The following CLEC4A variants were observed in gnomAD, a reference collection of about 807,000 sequenced individuals.
The protein encoded by CLEC4A is C-type (calcium dependent, carbohydrate-recognition domain) lectin, superfamily member 6.
Under a neutral mutation model 32.7 loss-of-function variants are expected in CLEC4A, and 27 were observed. The ratio of observed to expected loss-of-function variants is 0.83; its 90% CI spans 0.61 to 1.14. The LOEUF is 1.14. Among genes scored for constraint, CLEC4A ranks in the 50% most tolerant of loss-of-function variants. The pLI, the probability that CLEC4A is intolerant of heterozygous loss-of-function variation, is 0.00. For missense variants in CLEC4A, 253 were observed against 274.6 expected (o/e 0.92, Z 0.55); for synonymous variants, 89 against 93.7 (o/e 0.95, Z 0.29).
the CLEC4A span, among the ~76,000 whole-genome samples, chr12:8,107,219 T>G: frequency 6.6e-6 from 1 of 152,356 alleles, no homozygotes; most frequent in South Asian, 2.1e-4. Flanking sequence ...ATCCCAGAGA[T>G]AAAGCCTGCT....
At chr12:8,122,409 C>T (rs1217427093), upstream of CLEC4A, among the ~76,000 whole-genome samples, 2 of 150,344 alleles carry the variant, frequency 1.3e-5, no homozygotes, top group Admixed American at 6.6e-5. Context: ...AGAGGAATGG[C>T]CTAGCACAGG....
At chr12:8,116,695 A>G in the CLEC4A span, among the ~76,000 whole-genome samples, 9 of 152,154 alleles carry the variant, frequency 5.9e-5, no homozygotes, top group Middle Eastern at 3.2e-3. Flanking sequence ...AGGAGCTTCA[A>G]TTTGGTTTTC....
At chr12:8,111,965 AT>A in the CLEC4A span, among the ~76,000 whole-genome samples, 2 of 112,286 alleles carry the variant, frequency 1.8e-5, no homozygotes, top group Non-Finnish European at 3.5e-5. Flanking sequence ...GTGTGTGTGT[AT>A]TTTATTTATT....
the CLEC4A span, among the ~76,000 whole-genome samples, chr12:8,113,417 G>T: frequency 3.9e-5 from 6 of 152,170 alleles, no homozygotes; most frequent in South Asian, 1.2e-3. Flanking sequence ...GACAAATTTG[G>T]CTTTCTGCTT....
chr12:8,128,031 A>G (rs10770226), intron 2 of CLEC4A, among the ~76,000 whole-genome samples: 48,368 of 152,062 alleles, frequency 0.32, 8,013 homozygotes, highest in East Asian at 0.46. Flanking sequence ...ACATAGAGGT[A>G]GCAGGTGATG....
chr12:8,134,648 C>T (rs1948061364), intron 3 of CLEC4A: 1 of 1,601,738 alleles, frequency 6.2e-7, no homozygotes, highest in African/African-American at 1.3e-5. Context: ...CCCCGCAGAA[C>T]TCATACGGCG....
At chr12:8,103,628 C>G in the CLEC4A span, among the ~76,000 whole-genome samples, 2 of 152,108 alleles carry the variant, frequency 1.3e-5, no homozygotes, top group African/African-American at 4.8e-5. Flanking sequence ...CTCATGATCC[C>G]TCTGCCTTGG....
the CLEC4A span, among the ~76,000 whole-genome samples, chr12:8,115,239 T>C: frequency 6.6e-6 from 1 of 152,200 alleles, no homozygotes; most frequent in Admixed American, 6.5e-5. Flanking sequence ...GGCCTATGAA[T>C]CCTGCCTTTC....
At chr12:8,123,152 C>G (rs1473787150), upstream of CLEC4A, among the ~76,000 whole-genome samples, 1 of 152,182 alleles carries the variant, frequency 6.6e-6, no homozygotes, top group Non-Finnish European at 1.5e-5. Flanking sequence ...AAAGGCTGGC[C>G]TTCCCTCTCC....
chr12:8,128,524 C>G (rs1054819294), intron 2 of CLEC4A, among the ~76,000 whole-genome samples: 45 of 151,956 alleles, frequency 3.0e-4, no homozygotes, highest in Admixed American at 2.4e-3. Flanking sequence ...AATTCTCCTT[C>G]CTCAGCTTCC....
intron 2 of CLEC4A, among the ~76,000 whole-genome samples, chr12:8,127,547 G>C (rs981862465): frequency 6.6e-6 from 1 of 152,124 alleles, no homozygotes; most frequent in Non-Finnish European, 1.5e-5. Context: ...TTTTAAGCAG[G>C]GAATTGATAT....
intron 2 of CLEC4A, among the ~76,000 whole-genome samples, chr12:8,128,174 G>T (rs945633519): frequency 2.0e-5 from 3 of 152,140 alleles, no homozygotes; most frequent in African/African-American, 7.2e-5. Context: ...AGTGTAAGAA[G>T]CAGCAGCAAG....
At chr12:8,108,930 G>A in the CLEC4A span, among the ~76,000 whole-genome samples, 154 of 151,928 alleles carry the variant, frequency 1.0e-3, 1 homozygote, top group Middle Eastern at 3.4e-3. Flanking sequence ...ACCTATTATT[G>A]GAAAAAAAAG....
chr12:8,136,964 T>C, intron 5 of CLEC4A, 61 bp downstream of exon 5: 2 of 1,113,922 alleles, frequency 1.8e-6, no homozygotes, highest in African/African-American at 1.6e-5. Context: ...GCTTAGGGTA[T>C]TCTAGCTATC....
chr12:8,103,480 G>C, the CLEC4A span, among the ~76,000 whole-genome samples: 2 of 138,938 alleles, frequency 1.4e-5, no homozygotes, highest in Non-Finnish European at 3.0e-5. Flanking sequence ...TTTGCCTCCC[G>C]GCTTCACACC....
intron 1 of CLEC4A, 70 bp from the exon 2 acceptor site, chr12:8,125,491 G>C: frequency 1.2e-6 from 1 of 814,382 alleles, no homozygotes; most frequent in Non-Finnish European, 2.2e-6. Context: ...GAGAGAGAAA[G>C]AGGAGGAGGA....
At chr12:8,131,663 G>C (rs954672966) in intron 3 of CLEC4A, among the ~76,000 whole-genome samples, 18 of 152,082 alleles carry the variant, frequency 1.2e-4, no homozygotes, top group Admixed American at 3.3e-4. Flanking sequence ...AAATATCTGG[G>C]CACTGTGGCC....
chr12:8,134,837 C>T (rs755234033), intron 3 of CLEC4A: 65 of 1,545,280 alleles, frequency 4.2e-5, no homozygotes, highest in Non-Finnish European at 5.7e-5. Context: ...AATCCGAAGC[C>T]AGGTGTCCCG....
At chr12:8,133,653 C>T in intron 3 of CLEC4A, 7 of 1,388,722 alleles carry the variant, frequency 5.0e-6, no homozygotes, top group Non-Finnish European at 6.0e-6. Flanking sequence ...CTTTGTGTTC[C>T]CAATTCCTTC....
Sources: allele counts gnomAD v4.1 joint callset (sites outside exome capture counted in the v4.1 genomes callset), GRCh38; gene constraint gnomAD v4.1.1; transcripts MANE v1.5; gene names NCBI Gene and HGNC (gene_info 2026-07-23, HGNC 2026-07-21).